Variants in ERC2 observed in about 807,000 individuals in gnomAD.
ERC2 encodes the protein ERC protein 2.
In ERC2, 42 loss-of-function variants were observed where a neutral mutation model predicts 114.8. The ratio of observed to expected loss-of-function variants is 0.37; its 90% CI spans 0.29 to 0.47. The LOEUF is 0.47. ERC2 is among the 20% of genes least tolerant of loss of function. The pLI, the probability that ERC2 is intolerant of heterozygous loss-of-function variation, is 0.99. For missense variants in ERC2, 939 were observed against 1,150.7 expected (o/e 0.82, Z 2.66); for synonymous variants, 454 against 425.5 (o/e 1.07, Z -0.82).
chr3:55,670,609 T>G (rs1039987301), intron 17 of ERC2, among the ~76,000 whole-genome samples: 16 of 152,314 alleles, frequency 1.1e-4, no homozygotes, highest in African/African-American at 3.8e-4. Context: ...TTTGTGACTT[T>G]GGGCAAAGAG....
chr3:55,614,273 C>CT (rs2059034510), intron 17 of ERC2, among the ~76,000 whole-genome samples: 1 of 152,156 alleles, frequency 6.6e-6, no homozygotes, highest in South Asian at 2.1e-4. Context: ...CCAAAATACT[C>CT]TGAGTTTTAA....
chr3:55,640,583 A>G (rs1224665400), intron 17 of ERC2, among the ~76,000 whole-genome samples: 1 of 152,226 alleles, frequency 6.6e-6, no homozygotes, highest in African/African-American at 2.4e-5. Flanking sequence ...AAGAGACTGA[A>G]CCAGTCCATG....
chr3:55,947,412 C>G (rs1021359823), intron 13 of ERC2, among the ~76,000 whole-genome samples: 1 of 152,230 alleles, frequency 6.6e-6, no homozygotes, highest in African/African-American at 2.4e-5. Context: ...CTCCTCGTAT[C>G]TACTCCCGTA....
At chr3:55,904,636 T>A (rs2064326547) in intron 13 of ERC2, among the ~76,000 whole-genome samples, 1 of 152,172 alleles carries the variant, frequency 6.6e-6, no homozygotes, top group African/African-American at 2.4e-5. Flanking sequence ...GAAACCATCA[T>A]GAACATGTTC....
At chr3:56,188,327 T>C (rs1373123080) in intron 3 of ERC2, among the ~76,000 whole-genome samples, 1 of 152,084 alleles carries the variant, frequency 6.6e-6, no homozygotes, top group Non-Finnish European at 1.5e-5. Context: ...CTCGAGTACG[T>C]GGAGAAGGCG....
chr3:55,951,664 G>A (rs766616054), intron 12 of ERC2, among the ~76,000 whole-genome samples: 5 of 152,028 alleles, frequency 3.3e-5, no homozygotes, highest in Non-Finnish European at 7.4e-5. Flanking sequence ...CACAAGAGGA[G>A]GGACGAGCAG....
rs1185167316 is a variant in ERC2, at chr3:55,895,471, C to T, written c.2404-6922G>A. Among the ~76,000 whole-genome samples, 3 of 152,124 alleles carry T rather than the reference C, an allele frequency of 2.0e-5. No homozygotes were observed. The South Asian group carries it at 6.2e-4, about 31-fold the overall frequency. On this transcript the variant is annotated intron_variant, in intron 13 of 17. Coordinates refer to ENST00000288221, the MANE Select transcript of ERC2 (RefSeq NM_015576.3). ...AAGTGAAATAATGCATGGAAAGTACCCTGCCTAATACCCTGGAAGGCACCA... is the reference window on the plus strand; with the variant it reads ...AAGTGAAATAATGCATGGAAAGTACTCTGCCTAATACCCTGGAAGGCACCA...
intron 2 of ERC2, among the ~76,000 whole-genome samples, chr3:56,385,314 G>A (rs1431701704): frequency 6.6e-6 from 1 of 152,080 alleles, no homozygotes; most frequent in Admixed American, 6.6e-5. Context: ...GCAATCTGGT[G>A]CCTCTTCTAT....
At chr3:56,044,092 C>T (rs2075339086) in intron 7 of ERC2, among the ~76,000 whole-genome samples, 1 of 152,132 alleles carries the variant, frequency 6.6e-6, no homozygotes, top group Non-Finnish European at 1.5e-5. Context: ...AAATTACTTT[C>T]ATTATCTTAA....
chr3:56,313,008 A>ATATATATC (rs1410800287), intron 2 of ERC2, among the ~76,000 whole-genome samples: 1 of 110,730 alleles, frequency 9.0e-6, no homozygotes, highest in Non-Finnish European at 1.9e-5. Flanking sequence ...ATTCATATAT[A>ATATATATC]TATATATATA....
chr3:55,742,196 A>G (rs1461663116), intron 14 of ERC2, among the ~76,000 whole-genome samples: 1 of 152,080 alleles, frequency 6.6e-6, no homozygotes, highest in Non-Finnish European at 1.5e-5. Flanking sequence ...GCCTGTGGCT[A>G]GCCCTCACAA....
chr3:55,553,508 C>T (rs891379647), intron 17 of ERC2, among the ~76,000 whole-genome samples: 7 of 151,610 alleles, frequency 4.6e-5, no homozygotes, highest in East Asian at 2.0e-4. Context: ...TGGCTGGGCA[C>T]GGTGGCTCAC....
chr3:56,151,483 A>G (rs888077923), intron 4 of ERC2, among the ~76,000 whole-genome samples: 4 of 152,192 alleles, frequency 2.6e-5, no homozygotes, highest in African/African-American at 9.7e-5. Context: ...AGGAAAACTG[A>G]CACAAAAAAT....
intron 3 of ERC2, among the ~76,000 whole-genome samples, chr3:56,261,523 G>A (rs73082478): frequency 0.054 from 8,185 of 152,098 alleles, 288 homozygotes; most frequent in Non-Finnish European, 0.081. Context: ...TGCACAGCTT[G>A]TAACTCACTC....
In ERC2 at chr3:56,173,497, A is replaced by C; in HGVS notation, c.1098T>G (p.Leu366=). 1.2e-6 allele frequency: 2 copies of C among 1,613,948 alleles called. No individual in the cohort carries two copies. Among genetic ancestry groups the C allele is most frequent in the Non-Finnish European group, 1.7e-6 (2 of 1,179,850 alleles). Residue 366 remains leucine (L), a synonymous_variant, in exon 4 of 18, where the codon CTT becomes CTG. Coordinates refer to ENST00000288221, the MANE Select transcript of ERC2 (RefSeq NM_015576.3). ...LREELHRRSQ[L]QPEPAKTKAL... ...CCTTCGTCTTGGCTGGCTCCGGCTG[A>C]AGTTGGCTTCTTCGGTGCAATTCCT...
intron 17 of ERC2, among the ~76,000 whole-genome samples, chr3:55,539,380 C>CT (rs2054216726): frequency 9.7e-6 from 1 of 103,180 alleles, no homozygotes; most frequent in Admixed American, 9.9e-5. Flanking sequence ...CTTTTATTTT[C>CT]TTTTTTCTTT....
intron 14 of ERC2, among the ~76,000 whole-genome samples, chr3:55,807,506 T>G (rs1001573742): frequency 3.9e-5 from 6 of 152,226 alleles, no homozygotes; most frequent in African/African-American, 1.4e-4. Context: ...GTGGGTCATA[T>G]GAACACTGTT....
intron 2 of ERC2, among the ~76,000 whole-genome samples, chr3:56,412,443 C>T (rs1448017557): frequency 6.6e-6 from 1 of 152,250 alleles, no homozygotes. Flanking sequence ...CCCCACTCTA[C>T]AGATCAGGAA....
At chr3:55,544,940 A>G (rs1190339998) in intron 17 of ERC2, among the ~76,000 whole-genome samples, 2 of 152,220 alleles carry the variant, frequency 1.3e-5, no homozygotes, top group East Asian at 3.9e-4. Context: ...TGACATCCAT[A>G]TCTTTGCTAA....
Sources: gnomAD v4.1 joint callset for allele counts (sites outside exome capture counted in the v4.1 genomes callset) on GRCh38, gnomAD v4.1.1 for gene constraint, MANE v1.5 for transcripts, NCBI Gene and HGNC (gene_info 2026-07-23, HGNC 2026-07-21) for gene names.